Variants in ZC3H3 observed in about 807,000 individuals in gnomAD.
ZC3H3 encodes zinc finger CCCH-type containing 3.
A neutral mutation model predicts 77.3 loss-of-function variants in ZC3H3; 36 were observed. The observed-to-expected ratio is 0.47, with a 90% CI of 0.36 to 0.61. ZC3H3 has a LOEUF of 0.61. Among genes scored for constraint, ZC3H3 ranks in the 20% least tolerant of loss-of-function variants. The pLI, the probability that ZC3H3 is intolerant of heterozygous loss-of-function variation, is 0.00. For missense variants in ZC3H3, 1,331 were observed against 1,312.2 expected (o/e 1.01, Z -0.22); for synonymous variants, 626 against 555.2 (o/e 1.13, Z -1.79).
chr8:143,499,294 C>T (rs1436863080), intron 4 of ZC3H3, among the ~76,000 whole-genome samples: 2 of 152,072 alleles, frequency 1.3e-5, no homozygotes, highest in Admixed American at 1.3e-4. Flanking sequence ...GTTGAGGATG[C>T]CATGCAGGGC....
intron 9 of ZC3H3, among the ~76,000 whole-genome samples, chr8:143,463,959 C>A (rs1207806940): frequency 6.6e-6 from 1 of 152,260 alleles, no homozygotes; most frequent in Admixed American, 6.5e-5. Context: ...AACAAGCCAT[C>A]GCTTTATGAA....
intron 4 of ZC3H3, among the ~76,000 whole-genome samples, chr8:143,485,433 G>A (rs1821026577): frequency 6.6e-6 from 1 of 152,214 alleles, no homozygotes; most frequent in African/African-American, 2.4e-5. Flanking sequence ...GCTCACCCGA[G>A]TGACGCAGGC....
intron 9 of ZC3H3, among the ~76,000 whole-genome samples, chr8:143,448,923 C>T (rs77511637): frequency 0.02 from 3,043 of 152,320 alleles, 104 homozygotes; most frequent in African/African-American, 0.07. Context: ...ACTCTGAGTA[C>T]CTGCAGGCTT....
At chr8:143,540,725 G>A (rs1822983269) in intron 1 of ZC3H3, among the ~76,000 whole-genome samples, 1 of 151,882 alleles carries the variant, frequency 6.6e-6, no homozygotes, top group South Asian at 2.1e-4. Flanking sequence ...GGAGGCCGAG[G>A]CGGGTGAATC....
At chr8:143,504,920 G>A (rs1228211607) in intron 4 of ZC3H3, among the ~76,000 whole-genome samples, 1 of 152,202 alleles carries the variant, frequency 6.6e-6, no homozygotes, top group Admixed American at 6.5e-5. Context: ...CGGAACTCGC[G>A]GGTTTGCTTC....
Position 143,534,859 on chromosome 8 carries a change from G to A in ZC3H3, c.1561+1398C>T, listed in dbSNP as rs143376687. On this transcript the variant is annotated intron_variant, in intron 3 of 11. Coordinates refer to ENST00000262577, the MANE Select transcript of ZC3H3 (RefSeq NM_015117.3). Reference sequence around the variant, plus strand: ...GGCTAACGGGGTACAGCCGACCAGCGCCCCCAGCCCCACTTCCTCCCACCC... The same window carrying A: ...GGCTAACGGGGTACAGCCGACCAGCACCCCCAGCCCCACTTCCTCCCACCC... 9.9e-3 allele frequency among the ~76,000 whole-genome samples: 1,511 copies of A among 152,064 alleles called. 13 individuals are homozygous for A. Among genetic ancestry groups the A allele is most frequent in the Admixed American group, 0.017 (255 of 15,288 alleles).
At chr8:143,507,296 G>A (rs1369790303) in intron 4 of ZC3H3, among the ~76,000 whole-genome samples, 1 of 152,252 alleles carries the variant, frequency 6.6e-6, no homozygotes, top group Non-Finnish European at 1.5e-5. Flanking sequence ...AGCAGGGCAA[G>A]GAGTAGCTCA....
At chr8:143,476,569 G>T (rs893206297) in intron 4 of ZC3H3, among the ~76,000 whole-genome samples, 1 of 152,164 alleles carries the variant, frequency 6.6e-6, no homozygotes, top group African/African-American at 2.4e-5. Flanking sequence ...CAGCCCCCAA[G>T]GTGGGGGGCT....
intron 9 of ZC3H3, among the ~76,000 whole-genome samples, chr8:143,455,519 T>C (rs539541537): frequency 1.3e-5 from 2 of 151,742 alleles, no homozygotes; most frequent in African/African-American, 4.8e-5. Context: ...AAAATAATAA[T>C]AATAATATAA....
At position 143,539,235 on chromosome 8, in the gene ZC3H3, G is replaced by T; in HGVS notation, c.132C>A (p.Tyr44Ter). 1 of 1,612,912 alleles carries T rather than the reference G, an allele frequency of 6.2e-7. No homozygotes were observed. The highest frequency in any genetic ancestry group is 8.5e-7 in the Non-Finnish European group (1 of 1,180,034). Reference sequence around the variant, plus strand: ...GGGCACTAAAGGCTCTGCCACTGTGGTAAGTGGGTGGCTGCCACCCAGAAG... The same window carrying T: ...GGGCACTAAAGGCTCTGCCACTGTGTTAAGTGGGTGGCTGCCACCCAGAAG... ...PAASGWQPPT[Y>*]HSGRAFSARY... Residue 44 changes from tyrosine to a stop codon, truncating the protein, a stop_gained, in exon 2 of 12, where the codon TAC becomes TAA. Transcript: ENST00000262577. LOFTEE classifies it high-confidence loss of function.
chr8:143,533,479 C>T lies in ZC3H3; in HGVS notation c.1561+2778G>A, dbSNP rs1385553081. ...TGATGTACAAGCACTCCAGTGGCTG[C>T]CTGTCTCCACCACTGGAAGGCGGCT... is the stretch of plus-strand genomic sequence containing the variant. On this transcript the variant is annotated intron_variant, in intron 3 of 11. Transcript: ENST00000262577. The surrounding 1 kb of genome is among the most constrained non-coding windows in gnomAD (Gnocchi z 4.0). Among the ~76,000 whole-genome samples, 1 of 152,154 alleles carries T rather than the reference C, an allele frequency of 6.6e-6. No individual in the cohort carries two copies. Among genetic ancestry groups the T allele is most frequent in the African/African-American group, 2.4e-5 (1 of 41,424 alleles).
chr8:143,480,351 G>A (rs933971983), intron 4 of ZC3H3, among the ~76,000 whole-genome samples: 2 of 152,246 alleles, frequency 1.3e-5, no homozygotes, highest in Non-Finnish European at 2.9e-5. Flanking sequence ...AGTGGCCCAT[G>A]CAAGGACTCT....
intron 10 of ZC3H3, among the ~76,000 whole-genome samples, chr8:143,440,564 GC>G (rs1819713944): frequency 6.6e-6 from 1 of 152,170 alleles, no homozygotes; most frequent in Admixed American, 6.5e-5. Context: ...CACCGAGCCT[GC>G]CCCTCACATC....
intron 4 of ZC3H3, among the ~76,000 whole-genome samples, chr8:143,497,713 A>C (rs1354064577): frequency 6.6e-6 from 1 of 152,214 alleles, no homozygotes; most frequent in Non-Finnish European, 1.5e-5. Context: ...CAGCAGCCCC[A>C]CAGCAGGAGC....
intron 9 of ZC3H3, among the ~76,000 whole-genome samples, chr8:143,447,643 T>C (rs997283780): frequency 3.3e-5 from 5 of 152,296 alleles, no homozygotes; most frequent in African/African-American, 1.2e-4. Context: ...AGAGGAAGCA[T>C]GGCAGCATCT....
intron 9 of ZC3H3, among the ~76,000 whole-genome samples, chr8:143,447,972 T>C (rs576146875): frequency 1.3e-5 from 2 of 152,082 alleles, no homozygotes; most frequent in South Asian, 4.1e-4. Context: ...CTACTAAAAA[T>C]ACAAAATTAG....
chr8:143,477,233 G>A (rs1404193544), intron 4 of ZC3H3, among the ~76,000 whole-genome samples: 2 of 152,240 alleles, frequency 1.3e-5, no homozygotes, highest in Non-Finnish European at 2.9e-5. Context: ...GAGCTGCAGT[G>A]TAAGTACAAG....
chr8:143,541,388 G>T lies in ZC3H3; in HGVS notation c.34C>A (p.Arg12Ser), dbSNP rs1044170369. 5 of 1,611,790 alleles carry T rather than the reference G, an allele frequency of 3.1e-6. No individual in the cohort carries two copies. The highest frequency in any genetic ancestry group is 4.2e-6 in the Non-Finnish European group (5 of 1,179,468). ...EEKEILRRQI[R>S]LLQGLIDDYK... ...CGGCCGGACCTACCCTGCAGTAGGC[G>T]GATCTGCCGCCGTAATATCTCCTTT... The change falls in exon 1 of 12, where the codon CGC (arginine) becomes AGC (serine). Residue 12 changes from arginine to serine, a missense_variant. Around this residue, in one of 3 missense-constraint regions of ZC3H3, gnomAD observed 978 missense variants for 915.5 expected, o/e 1.07. Transcript: ENST00000262577.
At chr8:143,503,630 TCCTCCAGCACCCAACTGTCTCCACC>T in intron 4 of ZC3H3, among the ~76,000 whole-genome samples, 1 of 19,566 alleles carries the variant, frequency 5.1e-5, no homozygotes, top group Non-Finnish European at 9.3e-5. Flanking sequence ...CACCACCACC[TCCTCCAGCACCCAACTGTCTCCACC>T]ACCACCTCCT....
Sources: allele counts gnomAD v4.1 joint callset (sites outside exome capture counted in the v4.1 genomes callset), GRCh38; gene constraint gnomAD v4.1.1; regional missense constraint gnomAD v4.1.1; non-coding constraint Gnocchi (gnomAD v3.1); transcripts MANE v1.5; gene names NCBI Gene and HGNC (gene_info 2026-07-23, HGNC 2026-07-21).